KCTD16: variants seen among roughly 807,000 people sequenced by gnomAD.
KCTD16 encodes the protein potassium channel tetramerization domain containing 16.
KCTD16 carries 13 observed loss-of-function variants against 33.2 expected under a neutral mutation model. The observed-to-expected ratio is 0.39, with a 90% CI of 0.25 to 0.62. The LOEUF (loss-of-function observed/expected upper bound fraction) is 0.62. KCTD16 is among the 20% of genes least tolerant of loss of function. KCTD16 has a pLI of 0.50. For missense variants in KCTD16, 441 were observed against 525.1 expected, an observed-to-expected ratio of 0.84 and a Z score of 1.57; for synonymous variants, 197 against 195.3, an observed-to-expected ratio of 1.01 and a Z score of -0.07.
At position 144,477,747 on chromosome 5, in the gene KCTD16, C is replaced by T. The variant is rs989861764; in HGVS notation, c.*3633C>T. On this transcript the variant is annotated 3_prime_UTR_variant, in exon 4 of 4. Coordinates refer to ENST00000512467, the MANE Select transcript of KCTD16 (RefSeq NM_020768.4). The stretch of plus-strand genomic sequence containing the variant: ...CAAATTTTGATTCTTATACATTTTC[C>T]TTTGCTACAATTCCAACCTTCAACT... 3 of 151,960 alleles carry T rather than the reference C, an allele frequency of 2.0e-5. No individual in the cohort carries two copies. The highest frequency in any genetic ancestry group is 7.3e-5 in the African/African-American group (3 of 41,366). The allele number at this position is 151,960 out of a possible 1,614,324, so 9.4% of individuals were successfully genotyped here.
chr5:144,227,390 G>A (rs1753965977), intron 3 of KCTD16, among the ~76,000 whole-genome samples: 1 of 152,206 alleles, frequency 6.6e-6, no homozygotes, highest in African/African-American at 2.4e-5. Context: ...TAGAAGGGTA[G>A]TGTAGCTGGA....
At chr5:144,208,076 T>TC in intron 3 of KCTD16, among the ~76,000 whole-genome samples, 2 of 152,152 alleles carry the variant, frequency 1.3e-5, no homozygotes. Context: ...GGCCCCCTGC[T>TC]CCCCCCAAGT....
chr5:144,209,024 A>G (rs1753281961), intron 3 of KCTD16, among the ~76,000 whole-genome samples: 1 of 152,220 alleles, frequency 6.6e-6, no homozygotes, highest in Non-Finnish European at 1.5e-5. Context: ...GGAATATGAC[A>G]TTATCTATAA....
At chr5:144,388,070 T>G (rs1447999992) in intron 3 of KCTD16, among the ~76,000 whole-genome samples, 2 of 86,432 alleles carry the variant, frequency 2.3e-5, no homozygotes, top group South Asian at 4.4e-4. Flanking sequence ...AGCAAGTTTT[T>G]TTTTTTTTTT....
At chr5:144,279,580 G>A (rs916149737) in intron 3 of KCTD16, among the ~76,000 whole-genome samples, 2 of 152,192 alleles carry the variant, frequency 1.3e-5, no homozygotes, top group African/African-American at 2.4e-5. Context: ...CAAGATCAAG[G>A]CATTGGCATC....
intron 3 of KCTD16, among the ~76,000 whole-genome samples, chr5:144,414,811 T>G (rs1010350671): frequency 3.9e-5 from 6 of 152,162 alleles, no homozygotes. Flanking sequence ...TAATGAACAT[T>G]TGACTTGAGA....
intron 3 of KCTD16, among the ~76,000 whole-genome samples, chr5:144,433,462 G>A (rs1039371338): frequency 6.6e-6 from 1 of 152,086 alleles, no homozygotes; most frequent in South Asian, 2.1e-4. Context: ...AAGAAAAACT[G>A]TAACTCTAGA....
At chr5:144,183,310 T>G (rs1752664084) in intron 2 of KCTD16, among the ~76,000 whole-genome samples, 1 of 152,212 alleles carries the variant, frequency 6.6e-6, no homozygotes, top group Non-Finnish European at 1.5e-5. Flanking sequence ...AATAATTTAC[T>G]CATAGAATAA....
At chr5:144,200,814 T>G (rs1324567673) in intron 2 of KCTD16, among the ~76,000 whole-genome samples, 2 of 152,172 alleles carry the variant, frequency 1.3e-5, no homozygotes, top group South Asian at 2.1e-4. Context: ...CATAGCTCAT[T>G]GCACCCTTAA....
chr5:144,447,775 ATAAT>A (rs1237768428), intron 3 of KCTD16, among the ~76,000 whole-genome samples: 1 of 152,106 alleles, frequency 6.6e-6, no homozygotes, highest in Admixed American at 6.6e-5. Flanking sequence ...TGCTTTACAA[ATAAT>A]TATTTTATTT....
chr5:144,330,905 C>T (rs1006088843), intron 3 of KCTD16, among the ~76,000 whole-genome samples: 1 of 152,144 alleles, frequency 6.6e-6, no homozygotes, highest in East Asian at 1.9e-4. Flanking sequence ...GGCAAAGAAA[C>T]AGATGACTTA....
intron 2 of KCTD16, among the ~76,000 whole-genome samples, chr5:144,177,048 A>G (rs1752524890): frequency 6.6e-6 from 1 of 151,970 alleles, no homozygotes; most frequent in African/African-American, 2.4e-5. Flanking sequence ...CCACTTGTCA[A>G]TTTTTTGTTG....
intron 3 of KCTD16, among the ~76,000 whole-genome samples, chr5:144,216,930 A>G (rs1168715954): frequency 6.6e-6 from 1 of 152,160 alleles, no homozygotes; most frequent in Non-Finnish European, 1.5e-5. Flanking sequence ...CAGGTCAACA[A>G]TGAGAAAATA....
At chr5:144,239,173 A>G (rs1297614482) in intron 3 of KCTD16, among the ~76,000 whole-genome samples, 1 of 152,140 alleles carries the variant, frequency 6.6e-6, no homozygotes, top group Admixed American at 6.5e-5. Flanking sequence ...ATTTTATGAG[A>G]ATCAGTTGAA....
chr5:144,439,457 C>A, intron 3 of KCTD16: 1 of 283,070 alleles, frequency 3.5e-6, no homozygotes, highest in Non-Finnish European at 6.9e-6. Context: ...GCCCGCTACC[C>A]AAGAAGCCAG....
In KCTD16 at chr5:144,217,846, C is replaced by CA. The variant is rs796330260; in HGVS notation, c.832+10314dup. 3.6e-3 allele frequency among the ~76,000 whole-genome samples: 491 copies of CA among 134,924 alleles called. 3 individuals carry two copies. Among genetic ancestry groups the CA allele is most frequent in the African/African-American group, 7.8e-3 (286 of 36,664 alleles). The allele number at this position is 134,924 out of a possible 152,430, so 88.5% of individuals were successfully genotyped here. On this transcript the variant is annotated intron_variant, in intron 3 of 3. Transcript: ENST00000512467. Reference sequence around the variant, plus strand: ...TTCATCTGCACCCTTACATGCAGACCAAAAAAAAAAAAAAGTAATGAAGTG... The same window carrying CA: ...TTCATCTGCACCCTTACATGCAGACCAAAAAAAAAAAAAAAGTAATGAAGTG...
At chr5:144,433,012 T>G (rs546783117) in intron 3 of KCTD16, among the ~76,000 whole-genome samples, 112 of 152,280 alleles carry the variant, frequency 7.4e-4, no homozygotes, top group Non-Finnish European at 1.4e-3. Flanking sequence ...GATTAAATGA[T>G]TTATTCAAGA....
chr5:144,200,398 C>G (rs1753021252), intron 2 of KCTD16, among the ~76,000 whole-genome samples: 1 of 152,046 alleles, frequency 6.6e-6, no homozygotes, highest in Non-Finnish European at 1.5e-5. Context: ...CGAAGGATCT[C>G]CACTCCCAAC....
At chr5:144,188,496 G>T (rs1263218087) in intron 2 of KCTD16, among the ~76,000 whole-genome samples, 3 of 152,158 alleles carry the variant, frequency 2.0e-5, no homozygotes, top group Non-Finnish European at 2.9e-5. Context: ...ACCAAAAGTG[G>T]CTAGGCTGAT....
Sources: gnomAD v4.1 joint callset for allele counts (sites outside exome capture counted in the v4.1 genomes callset) on GRCh38, gnomAD v4.1.1 for gene constraint, MANE v1.5 for transcripts, NCBI Gene and HGNC (gene_info 2026-07-23, HGNC 2026-07-21) for gene names.